The following LYPD6B variants were observed in gnomAD, a reference collection of about 807,000 sequenced individuals.
LYPD6B encodes ly6/PLAUR domain-containing protein 6B.
In LYPD6B, 17 loss-of-function variants were observed where a neutral mutation model predicts 22.8. The observed-to-expected ratio is 0.75, with a 90% confidence interval of 0.51 to 1.12. The LOEUF (loss-of-function observed/expected upper bound fraction) is 1.12. Ranked by LOEUF, LYPD6B falls within the 50% of genes most tolerant of loss-of-function variation. LYPD6B has a pLI of 0.00. For synonymous variants in LYPD6B, 106 were observed against 91.6 expected, an observed-to-expected ratio of 1.16 and a Z score of -0.90; for missense variants, 221 against 258.3, an observed-to-expected ratio of 0.86 and a Z score of 0.99.
chr2:149,163,406 C>T (rs544646429), intron 3 of LYPD6B, among the ~76,000 whole-genome samples: 226 of 152,124 alleles, frequency 1.5e-3, no homozygotes, highest in Non-Finnish European at 2.5e-3. Context: ...CTGACATACC[C>T]ACAAAATAGA....
chr2:149,187,973 C>T (rs1242803686), intron 3 of LYPD6B, among the ~76,000 whole-genome samples: 1 of 152,170 alleles, frequency 6.6e-6, no homozygotes, highest in Non-Finnish European at 1.5e-5. Context: ...TGTGGCAAAG[C>T]ATATTTTTCA....
intron 3 of LYPD6B, among the ~76,000 whole-genome samples, chr2:149,179,623 C>T (rs1450080053): frequency 6.6e-6 from 1 of 152,162 alleles, no homozygotes; most frequent in Non-Finnish European, 1.5e-5. Context: ...TTCAGAATAT[C>T]CAGGAGTTAA....
At chr2:149,141,728 A>T (rs537031415) in intron 2 of LYPD6B, among the ~76,000 whole-genome samples, 3 of 152,236 alleles carry the variant, frequency 2.0e-5, no homozygotes, top group Non-Finnish European at 4.4e-5. Flanking sequence ...GGCAACTATA[A>T]CAAAGTAATA....
At chr2:149,060,954 A>G (rs909157216) in intron 1 of LYPD6B, among the ~76,000 whole-genome samples, 3 of 152,196 alleles carry the variant, frequency 2.0e-5, no homozygotes, top group Admixed American at 6.5e-5. Context: ...GGTTTCAATT[A>G]GTGACCTTCC....
At chr2:149,152,876 G>A (rs887116588) in intron 2 of LYPD6B, among the ~76,000 whole-genome samples, 18 of 152,154 alleles carry the variant, frequency 1.2e-4, no homozygotes, top group Non-Finnish European at 2.2e-4. Flanking sequence ...CATTGCATTG[G>A]GCAACAAAAG....
At chr2:149,071,737 A>G (rs576061545) in intron 1 of LYPD6B, among the ~76,000 whole-genome samples, 16 of 152,328 alleles carry the variant, frequency 1.1e-4, no homozygotes, top group African/African-American at 3.4e-4. Context: ...AGTTTTGTAC[A>G]GAATAAACAA....
chr2:149,075,684 A>C (rs1349135557), intron 1 of LYPD6B, among the ~76,000 whole-genome samples: 1 of 152,224 alleles, frequency 6.6e-6, no homozygotes, highest in African/African-American at 2.4e-5. Context: ...GTTTGACTCC[A>C]GGTTTGTGGA....
chr2:149,092,138 T>G, intron 1 of LYPD6B, among the ~76,000 whole-genome samples: 1 of 150,352 alleles, frequency 6.7e-6, no homozygotes, highest in Non-Finnish European at 1.5e-5. Context: ...GGGCGGAGAG[T>G]GAGAAAGCTG....
intron 1 of LYPD6B, among the ~76,000 whole-genome samples, chr2:149,053,053 G>T (rs1031164139): frequency 1.3e-5 from 2 of 152,112 alleles, no homozygotes; most frequent in African/African-American, 4.8e-5. Flanking sequence ...TTTTAATTTT[G>T]ATGAATTCTA....
At chr2:149,197,284 C>T (rs1419388387) in intron 3 of LYPD6B, among the ~76,000 whole-genome samples, 2 of 152,112 alleles carry the variant, frequency 1.3e-5, no homozygotes, top group African/African-American at 4.8e-5. Flanking sequence ...GAGACCGAGG[C>T]GGGCAGATCA....
At chr2:149,131,915 A>G (rs1268370405) in intron 2 of LYPD6B, among the ~76,000 whole-genome samples, 23 of 152,148 alleles carry the variant, frequency 1.5e-4, no homozygotes, top group Admixed American at 1.5e-3. Flanking sequence ...AAGTCCACAG[A>G]ACCACAGAAT....
At chr2:149,111,662 A>G (rs1278442302) in intron 1 of LYPD6B, among the ~76,000 whole-genome samples, 1 of 152,194 alleles carries the variant, frequency 6.6e-6, no homozygotes, top group African/African-American at 2.4e-5. Context: ...TCTGAAGTTC[A>G]GGGGAAAAGT....
chr2:149,116,163 T>G (rs1365795802), intron 1 of LYPD6B, among the ~76,000 whole-genome samples: 2 of 152,260 alleles, frequency 1.3e-5, no homozygotes, highest in African/African-American at 4.8e-5. Context: ...CATATTCACA[T>G]AACTTTTATT....
intron 3 of LYPD6B, among the ~76,000 whole-genome samples, chr2:149,175,208 C>G (rs923202695): frequency 3.3e-5 from 5 of 152,158 alleles, no homozygotes; most frequent in African/African-American, 1.2e-4. Flanking sequence ...CTACGATACT[C>G]CCATGCTATA....
intron 1 of LYPD6B, among the ~76,000 whole-genome samples, chr2:149,051,348 G>T (rs747103078): frequency 1.6e-4 from 24 of 151,822 alleles, no homozygotes; most frequent in Non-Finnish European, 3.5e-4. Flanking sequence ...CTATTTTTTA[G>T]TAGAGATGGG....
chr2:149,100,321 T>C (rs555936356), intron 1 of LYPD6B, among the ~76,000 whole-genome samples: 2 of 151,830 alleles, frequency 1.3e-5, no homozygotes, highest in South Asian at 2.1e-4. Context: ...GGGAGGATTA[T>C]TTTTTCTCCT....
At chr2:149,152,872 A>G (rs1286600413) in intron 2 of LYPD6B, among the ~76,000 whole-genome samples, 1 of 152,210 alleles carries the variant, frequency 6.6e-6, no homozygotes, top group Non-Finnish European at 1.5e-5. Context: ...TAAACATTGC[A>G]TTGGGCAACA....
chr2:149,117,115 G>A (rs904123034), intron 1 of LYPD6B, among the ~76,000 whole-genome samples: 2 of 151,876 alleles, frequency 1.3e-5, no homozygotes, highest in Non-Finnish European at 2.9e-5. Context: ...CTTTTTTATG[G>A]AGAGTAGTAA....
intron 3 of LYPD6B, among the ~76,000 whole-genome samples, chr2:149,166,103 G>A (rs372262780): frequency 4.0e-4 from 61 of 152,214 alleles, no homozygotes; most frequent in South Asian, 3.9e-3. Context: ...ATTTAATAAC[G>A]CCCTCTATAA....
Sources: gnomAD v4.1 joint callset for allele counts (sites outside exome capture counted in the v4.1 genomes callset) on GRCh38, gnomAD v4.1.1 for gene constraint, MANE v1.5 for transcripts, NCBI Gene and HGNC (gene_info 2026-07-23, HGNC 2026-07-21) for gene names.